The following CLVS1 variants were observed in gnomAD, a reference collection of about 807,000 sequenced individuals.
CLVS1 encodes clavesin 1, also known as clavesin-1.
Under a neutral mutation model 33.1 loss-of-function variants are expected in CLVS1, and 10 were observed. That is an observed-to-expected ratio of 0.30 (90% CI 0.19 to 0.51). CLVS1 has a LOEUF of 0.51. CLVS1 is among the 20% of genes least tolerant of loss of function. CLVS1 has a pLI of 0.97. For synonymous variants in CLVS1, 163 were observed against 166.1 expected, an observed-to-expected ratio of 0.98 and a Z score of 0.14; for missense variants, 343 against 433.4, an observed-to-expected ratio of 0.79 and a Z score of 1.85.
At chr8:61,203,179 T>A (rs1414823092) in intron 2 of CLVS1, 16 of 1,131,522 alleles carry the variant, frequency 1.4e-5, no homozygotes, top group Admixed American at 6.8e-5. Flanking sequence ...TCCGGATGAC[T>A]GACCAAGAGG....
chr8:61,075,210 G>C (rs1465617016), intron 1 of CLVS1, among the ~76,000 whole-genome samples: 1 of 152,116 alleles, frequency 6.6e-6, no homozygotes, highest in Non-Finnish European at 1.5e-5. Context: ...GTGGCAGGTG[G>C]CTATTTTCAC....
chr8:61,304,105 C>A (rs1810529121), intron 2 of CLVS1, among the ~76,000 whole-genome samples: 1 of 152,194 alleles, frequency 6.6e-6, no homozygotes, highest in African/African-American at 2.4e-5. Flanking sequence ...CACAGCTTTG[C>A]AAGGAAATGA....
At chr8:61,274,336 T>C (rs567915343) in intron 2 of CLVS1, among the ~76,000 whole-genome samples, 11 of 152,272 alleles carry the variant, frequency 7.2e-5, no homozygotes, top group African/African-American at 2.4e-4. Context: ...ATTCCCTGCA[T>C]TGATGCTGAA....
intron 3 of CLVS1, among the ~76,000 whole-genome samples, chr8:61,408,986 A>G (rs1170354817): frequency 1.3e-5 from 2 of 152,180 alleles, no homozygotes; most frequent in Non-Finnish European, 2.9e-5. Flanking sequence ...CTTCTTCTCT[A>G]AGTCAAAGGA....
the CLVS1 span, among the ~76,000 whole-genome samples, chr8:61,025,958 C>T: frequency 6.6e-6 from 1 of 152,128 alleles, no homozygotes; most frequent in African/African-American, 2.4e-5. Flanking sequence ...AACAAAATCA[C>T]CCTAAGATTG....
chr8:61,051,913 A>G, the CLVS1 span, among the ~76,000 whole-genome samples: 1 of 151,982 alleles, frequency 6.6e-6, no homozygotes, highest in Non-Finnish European at 1.5e-5. Flanking sequence ...TCCCACCCAC[A>G]TTTTTCCTGT....
chr8:61,250,460 C>A (rs1333110445), intron 2 of CLVS1, among the ~76,000 whole-genome samples: 1 of 152,166 alleles, frequency 6.6e-6, no homozygotes, highest in South Asian at 2.1e-4. Context: ...TGAAGAAAGT[C>A]AGTGGTAGCT....
At chr8:61,120,622 A>T (rs879221322) in intron 1 of CLVS1, among the ~76,000 whole-genome samples, 2 of 124,578 alleles carry the variant, frequency 1.6e-5, no homozygotes, top group Admixed American at 7.5e-5. Flanking sequence ...GTCTGTTGGA[A>T]TACCCTGCCG....
chr8:61,059,900 T>G (rs968500253), intron 1 of CLVS1, among the ~76,000 whole-genome samples: 2 of 152,128 alleles, frequency 1.3e-5, no homozygotes, highest in African/African-American at 4.8e-5. Flanking sequence ...TCACACAATG[T>G]GAGTAGAAGG....
intron 3 of CLVS1, among the ~76,000 whole-genome samples, chr8:61,419,447 AAGAAAAT>A (rs1815570059): frequency 6.6e-6 from 1 of 151,964 alleles, no homozygotes; most frequent in African/African-American, 2.4e-5. Context: ...GAAAATGAGA[AAGAAAAT>A]AATGAGGGAA....
chr8:61,219,717 TTGTCATAC>T (rs1266893509), intron 2 of CLVS1, among the ~76,000 whole-genome samples: 1 of 152,222 alleles, frequency 6.6e-6, no homozygotes, highest in Non-Finnish European at 1.5e-5. Flanking sequence ...CCTTGAGGAA[TTGTCATAC>T]TGTCTTCCAC....
chr8:61,204,811 T>A (rs1239172186), intron 2 of CLVS1, among the ~76,000 whole-genome samples: 1 of 152,202 alleles, frequency 6.6e-6, no homozygotes, highest in African/African-American at 2.4e-5. Flanking sequence ...CAAGAGCTTT[T>A]GCCACTAAAA....
intron 2 of CLVS1, among the ~76,000 whole-genome samples, chr8:61,314,540 A>G (rs1404648451): frequency 6.6e-6 from 1 of 152,230 alleles, no homozygotes; most frequent in African/African-American, 2.4e-5. Flanking sequence ...AATAAAATAA[A>G]ATAAAAATGA....
chr8:61,122,509 T>C (rs1260692669), intron 1 of CLVS1, among the ~76,000 whole-genome samples: 2 of 151,918 alleles, frequency 1.3e-5, no homozygotes. Flanking sequence ...CCTTACTTTA[T>C]GCTGAATCCT....
intron 5 of CLVS1, among the ~76,000 whole-genome samples, chr8:61,492,321 T>C (rs546655138): frequency 6.6e-6 from 1 of 152,372 alleles, no homozygotes; most frequent in East Asian, 1.9e-4. Context: ...TAAATAAATA[T>C]TAATGAGATA....
At chr8:61,499,231 C>A (rs1187164101) in intron 5 of CLVS1, among the ~76,000 whole-genome samples, 1 of 152,148 alleles carries the variant, frequency 6.6e-6, no homozygotes, top group Non-Finnish European at 1.5e-5. Context: ...GGCTGGAGTG[C>A]AGTGGCACAA....
At chr8:61,178,189 A>G (rs531733880) in intron 2 of CLVS1, among the ~76,000 whole-genome samples, 4 of 152,200 alleles carry the variant, frequency 2.6e-5, no homozygotes, top group Non-Finnish European at 5.9e-5. Flanking sequence ...GCACAAGAAC[A>G]TCTTGAAGCA....
chr8:61,033,031 AAG>A, the CLVS1 span, among the ~76,000 whole-genome samples: 30 of 122,164 alleles, frequency 2.5e-4, 1 homozygote, highest in Admixed American at 4.0e-4. Context: ...GAAAGAAAGA[AAG>A]AAAGAAAGAA....
chr8:61,301,548 A>G (rs1162923776), intron 2 of CLVS1, among the ~76,000 whole-genome samples: 1 of 152,242 alleles, frequency 6.6e-6, no homozygotes, highest in Non-Finnish European at 1.5e-5. Context: ...CATTTTGAAT[A>G]TTAATGACAA....
Sources: allele counts gnomAD v4.1 joint callset (sites outside exome capture counted in the v4.1 genomes callset), GRCh38; gene constraint gnomAD v4.1.1; transcripts MANE v1.5; gene names NCBI Gene and HGNC (gene_info 2026-07-23, HGNC 2026-07-21).